PCDHGA8: variants seen among roughly 807,000 people sequenced by gnomAD.
The protein encoded by PCDHGA8 is protocadherin gamma subfamily A, 8.
PCDHGA8 carries 45 observed loss-of-function variants against 59.2 expected under a neutral mutation model. The observed-to-expected ratio is 0.76, with a 90% CI of 0.60 to 0.98. PCDHGA8 has a LOEUF of 0.98. Ranked by LOEUF, PCDHGA8 falls within the 50% of genes least tolerant of loss-of-function variation. The pLI is 0.00. For missense variants in PCDHGA8, 1,257 were observed against 1,196.2 expected, an observed-to-expected ratio of 1.05 and a Z score of -0.75; for synonymous variants, 531 against 519.0, an observed-to-expected ratio of 1.02 and a Z score of -0.32.
intron 1 of PCDHGA8, among the ~76,000 whole-genome samples, chr5:141,460,110 A>G (rs966038979): frequency 2.0e-5 from 3 of 151,894 alleles, no homozygotes; most frequent in African/African-American, 7.2e-5. Context: ...ATTATATATG[A>G]TTTTTATATA....
At chr5:141,396,562 G>C (rs2150669769) in intron 1 of PCDHGA8, 1 of 152,144 alleles carries the variant, frequency 6.6e-6, no homozygotes, top group South Asian at 2.1e-4. Context: ...GGAGGTTGCA[G>C]TGAGCCTCGA....
rs180741728 is a variant in PCDHGA8 at position 141,505,088 on chromosome 5, G to A, written c.2484-305G>A. Among the ~76,000 whole-genome samples the A allele has an allele frequency of 3.7e-3, 563 of 152,300 alleles. 5 individuals carry two copies. Among genetic ancestry groups the A allele is most frequent in the Admixed American group, 0.011 (163 of 15,294 alleles). On this transcript the variant is annotated intron_variant, in intron 2 of 3. Coordinates refer to ENST00000398604, the MANE Select transcript of PCDHGA8 (RefSeq NM_032088.2). ...GAGGCAGGAGAATCGCTTGAACCCA[G>A]GAGGTGGATGTTGCAATGAGCCAAG...
In PCDHGA8 at chr5:141,432,613, G is replaced by A. The variant is rs1461837957; in HGVS notation, c.2424+37376G>A. 6.2e-7 allele frequency: 1 copy of A among 1,613,946 alleles called. No homozygotes were observed. The highest frequency in any genetic ancestry group is 1.3e-5 in the African/African-American group (1 of 75,056). On this transcript the variant is annotated intron_variant, in intron 1 of 3. Coordinates refer to ENST00000398604, the MANE Select transcript of PCDHGA8 (RefSeq NM_032088.2). The surrounding 1 kb of genome is among the most constrained non-coding windows in gnomAD (Gnocchi z 6.0). ...AGGCCAGCGAGCCGGGACTCTTCTC[G>A]GTGGGTCTGCACACGGGCGAGGTGC...
At chr5:141,452,839 C>A (rs939513310) in intron 1 of PCDHGA8, among the ~76,000 whole-genome samples, 2 of 152,092 alleles carry the variant, frequency 1.3e-5, no homozygotes, top group Non-Finnish European at 2.9e-5. Flanking sequence ...TTGGTCCAGC[C>A]CACACTCTGG....
intron 1 of PCDHGA8, chr5:141,415,738 AGGTTTTTT>A: frequency 1.9e-6 from 1 of 538,082 alleles, no homozygotes; most frequent in Non-Finnish European, 2.7e-6. Flanking sequence ...ATGTTTATTA[AGGTTTTTT>A]TTTTTTTTTT....
intron 1 of PCDHGA8, chr5:141,414,478 C>T (rs977591382): frequency 5.6e-6 from 9 of 1,613,884 alleles, no homozygotes; most frequent in Non-Finnish European, 3.4e-6. Flanking sequence ...GGGAAGTCCT[C>T]CTCTATCAAC....
chr5:141,419,393 G>T (rs1226844501), intron 1 of PCDHGA8: 2 of 1,613,620 alleles, frequency 1.2e-6, no homozygotes, highest in Non-Finnish European at 1.7e-6. Context: ...CGCGCAGAGC[G>T]GGGTGGTGTT....
In PCDHGA8 at chr5:141,511,028, T is replaced by G. The variant is rs1279056657; in HGVS notation, c.2654T>G (p.Leu885Arg). The G allele has an allele frequency of 3.7e-6, 6 of 1,614,084 alleles. No individual in the cohort carries two copies. The highest frequency in any genetic ancestry group is 1.7e-5 in the Admixed American group (1 of 60,004). ...LSARYGPQFT[L>R]QHVPDYRQNV... is the part of the protein sequence containing the mutation. The stretch of plus-strand genomic sequence containing the variant: ...GCCCGCTACGGACCCCAGTTCACCC[T>G]GCAGCACGTGCCCGACTACCGCCAG... Residue 885 changes from leucine to arginine, a missense_variant, in exon 4 of 4, where the codon CTG becomes CGG. Physicochemically the swap from Leu to Arg is moderately radical, Grantham distance 102. Transcript: ENST00000398604.
At position 141,491,121 on chromosome 5, in the gene PCDHGA8, G is replaced by T. The variant is rs1176877834; in HGVS notation, c.2425-3686G>T. On this transcript the variant is annotated intron_variant, in intron 1 of 3. Transcript: ENST00000398604. The surrounding 1 kb of genome is among the most constrained non-coding windows in gnomAD (Gnocchi z 6.9). ...TCCTCGTGTCTACACACACTGGTGA[G>T]GTGCGCACAGCCCGGGCCTTACTGG... 5 of 1,614,200 alleles carry T rather than the reference G, an allele frequency of 3.1e-6. No individual in the cohort carries two copies. In the South Asian group the frequency reaches 5.5e-5, roughly 18 times the overall value.
chr5:141,418,523 C>T (rs2096266495), intron 1 of PCDHGA8: 1 of 1,613,958 alleles, frequency 6.2e-7, no homozygotes, highest in Non-Finnish European at 8.5e-7. Context: ...GGACCCTCCC[C>T]GAAGCGGTAC....
chr5:141,462,552 T>G (rs966816379), intron 1 of PCDHGA8, among the ~76,000 whole-genome samples: 4 of 152,194 alleles, frequency 2.6e-5, no homozygotes, highest in African/African-American at 9.6e-5. Context: ...TCTTCTTCAG[T>G]GTTTACTGTA....
At chr5:141,482,544 A>AAAC (rs1041838777) in intron 1 of PCDHGA8, among the ~76,000 whole-genome samples, 4 of 151,844 alleles carry the variant, frequency 2.6e-5, no homozygotes, top group Non-Finnish European at 4.4e-5. Context: ...AAAAAAAAAA[A>AAAC]AAAAAGATAA....
At chr5:141,423,240 A>G (rs1260661059) in intron 1 of PCDHGA8, 1 of 1,613,932 alleles carries the variant, frequency 6.2e-7, no homozygotes, top group Middle Eastern at 1.6e-4. Context: ...GCATCCCCGA[A>G]GTCCTGGCGG....
At position 141,432,872 on chromosome 5, in the gene PCDHGA8, C is replaced by T; in HGVS notation, c.2424+37635C>T. On this transcript the variant is annotated intron_variant, in intron 1 of 3. Transcript: ENST00000398604. This position sits in a 1 kb window ranked among gnomAD's most constrained non-coding sequence, Gnocchi z 6.0. ...GGTGGCCGCGGTCTCCTGCGTCTTC[C>T]TGGCCTTCGTCATCTTGCTGCTGGC... is the stretch of plus-strand genomic sequence containing the variant. 1.9e-6 allele frequency: 3 copies of T among 1,614,192 alleles called. No homozygotes were observed. Among genetic ancestry groups the T allele is most frequent in the Non-Finnish European group, 2.5e-6 (3 of 1,180,018 alleles).
chr5:141,477,719 T>C lies in PCDHGA8; in HGVS notation c.2425-17088T>C. 6.2e-7 allele frequency: 1 copy of C among 1,613,876 alleles called. No individual in the cohort carries two copies. Among genetic ancestry groups the C allele is most frequent in the Non-Finnish European group, 8.5e-7 (1 of 1,180,028 alleles). ...CTATGAGGATCGGCGGGAATTTGAA[T>C]TAACAGCTCATATCAGCGATGGGGG... On this transcript the variant is annotated intron_variant, in intron 1 of 3. Transcript: ENST00000398604. The surrounding 1 kb of genome is among the most constrained non-coding windows in gnomAD (Gnocchi z 4.9).
chr5:141,420,205 C>T (rs776838072), intron 1 of PCDHGA8: 14 of 1,612,942 alleles, frequency 8.7e-6, no homozygotes, highest in African/African-American at 1.3e-5. Context: ...ATAACCTCAA[C>T]AAAGATAGCA....
chr5:141,511,140 C>T lies in PCDHGA8; in HGVS notation c.2766C>T (p.Asn922=). Reference sequence around the variant, plus strand: ...AGGCCCCAGCAGGTGGCAATGGCAACAAGAAGAAGTCGGGCAAGAAGGAGA... The same window carrying T: ...AGGCCCCAGCAGGTGGCAATGGCAATAAGAAGAAGTCGGGCAAGAAGGAGA... ...DGKAPAGGNG[N]KKKSGKKEKK is the part of the protein sequence containing the mutation. Residue 922 remains asparagine (N), a synonymous_variant, in exon 4 of 4, where the codon AAC becomes AAT. Transcript: ENST00000398604. The T allele has an allele frequency of 1.2e-6, 2 of 1,614,186 alleles. No homozygotes were observed. The highest frequency in any genetic ancestry group is 1.3e-5 in the African/African-American group (1 of 75,050).
Position 141,392,681 on chromosome 5 carries a change from G to A in PCDHGA8, c.-133G>A, listed in dbSNP as rs892273174. On this transcript the variant is annotated 5_prime_UTR_variant, in exon 1 of 4. Coordinates refer to ENST00000398604, the MANE Select transcript of PCDHGA8 (RefSeq NM_032088.2). ...GCCACAAACTAACTGCTGGACTGCAGCGAAACCCGACCCCTGTTTGGAGGC... is the reference window on the plus strand; with the variant it reads ...GCCACAAACTAACTGCTGGACTGCAACGAAACCCGACCCCTGTTTGGAGGC... The A allele has an allele frequency of 9.7e-7, 1 of 1,026,496 alleles. No individual in the cohort carries two copies. Among genetic ancestry groups the A allele is most frequent in the Non-Finnish European group, 1.4e-6 (1 of 733,538 alleles). 63.6% of individuals were successfully genotyped at this position (1,026,496 alleles called of 1,614,324 possible).
At chr5:141,408,111 C>A (rs1477598232) in intron 1 of PCDHGA8, 7 of 1,455,108 alleles carry the variant, frequency 4.8e-6, no homozygotes, top group African/African-American at 4.3e-5. Context: ...ACCCGGGACT[C>A]CTCCTGTCCT....
Sources: gnomAD v4.1 joint callset for allele counts (sites outside exome capture counted in the v4.1 genomes callset) on GRCh38, gnomAD v4.1.1 for gene constraint, Gnocchi (gnomAD v3.1) non-coding constraint, MANE v1.5 for transcripts, NCBI Gene and HGNC (gene_info 2026-07-23, HGNC 2026-07-21) for gene names.